Variants in ENO4 observed in about 807,000 individuals in gnomAD.
ENO4 encodes the protein 2-phospho-D-glycerate hydro-lyase.
Under a neutral mutation model 63.2 loss-of-function variants are expected in ENO4, and 53 were observed. The ratio of observed to expected loss-of-function variants is 0.84; its 90% CI spans 0.67 to 1.05. The LOEUF (loss-of-function observed/expected upper bound fraction) is 1.05, where lower values mean the gene tolerates loss of function less well. ENO4 is among the 50% of genes least tolerant of loss of function. ENO4 has a pLI of 0.00. For missense variants in ENO4, 719 were observed against 772.0 expected, an observed-to-expected ratio of 0.93 and a Z score of 0.81; for synonymous variants, 266 against 283.8, an observed-to-expected ratio of 0.94 and a Z score of 0.63.
intron 3 of ENO4, among the ~76,000 whole-genome samples, chr10:116,858,272 T>G (rs1846323117): frequency 6.6e-6 from 1 of 152,218 alleles, no homozygotes; most frequent in South Asian, 2.1e-4. Flanking sequence ...ATATGGGATG[T>G]AAAGTTTCTT....
chr10:116,862,231 A>C (rs1449592419), intron 6 of ENO4, among the ~76,000 whole-genome samples: 1 of 152,176 alleles, frequency 6.6e-6, no homozygotes, highest in Non-Finnish European at 1.5e-5. Flanking sequence ...TGGGAGGCCA[A>C]GATGGGAGGA....
chr10:116,899,497 G>C (rs548396545), intron 10 of ENO4, among the ~76,000 whole-genome samples: 2 of 144,326 alleles, frequency 1.4e-5, no homozygotes, highest in South Asian at 2.3e-4. Context: ...AGTTAGAGTG[G>C]CTGGGGCTGG....
chr10:116,884,965 C>G (rs1267497396), downstream of ENO4: 1 of 152,218 alleles, frequency 6.6e-6, no homozygotes, highest in Non-Finnish European at 1.5e-5. Flanking sequence ...TTTAATTCTC[C>G]ATGAGTAAAG....
chr10:116,893,343 T>C (rs1847398879), intron 10 of ENO4, among the ~76,000 whole-genome samples: 1 of 152,122 alleles, frequency 6.6e-6, no homozygotes, highest in African/African-American at 2.4e-5. Context: ...TGGAGAACCT[T>C]TGTAGCAGCG....
Position 116,860,822 on chromosome 10 carries a change from T to C in ENO4, c.663T>C (p.Pro221=), listed in dbSNP as rs1428066767. ...GGAAGGATACTATTACAGAGAAACCTATTGCGCCTGCAGAGCCTGTTGAGC... is the reference window on the plus strand; with the variant it reads ...GGAAGGATACTATTACAGAGAAACCCATTGCGCCTGCAGAGCCTGTTGAGC... The part of the protein sequence containing the change: ...PGRKDTITEK[P]IAPAEPVEPV... Residue 221 remains proline (P), a synonymous_variant, in exon 5 of 14, where the codon CCT becomes CCC. Transcript: ENST00000341276. 2 of 1,537,612 alleles carry C rather than the reference T, an allele frequency of 1.3e-6. No homozygotes were observed. Among genetic ancestry groups the C allele is most frequent in the Admixed American group, 2.0e-5 (1 of 50,272 alleles).
chr10:116,861,363 A>C (rs998620608), intron 6 of ENO4, among the ~76,000 whole-genome samples, 173 bp downstream of exon 6: 15 of 152,154 alleles, frequency 9.9e-5, no homozygotes, highest in Non-Finnish European at 1.9e-4. Context: ...CAAAGGGAGC[A>C]CATGCAGAGC....
At chr10:116,901,324 T>A in intron 10 of ENO4, 2 of 985,166 alleles carry the variant, frequency 2.0e-6, no homozygotes, top group Non-Finnish European at 2.4e-6. Flanking sequence ...TAGAGCAATA[T>A]TAGGCACATC....
chr10:116,886,587 C>CA (rs748204859), downstream of ENO4: 24 of 1,607,670 alleles, frequency 1.5e-5, no homozygotes, highest in South Asian at 1.8e-4. Context: ...AAGAGTTAGA[C>CA]AAAAAAAGTA....
intron 9 of ENO4, among the ~76,000 whole-genome samples, chr10:116,871,682 TGTA>T (rs1311102517): frequency 1.3e-5 from 2 of 152,184 alleles, no homozygotes; most frequent in African/African-American, 4.8e-5. Context: ...CTTCCAGACA[TGTA>T]GTTCTTAGAA....
Position 116,891,209 on chromosome 10 carries a change from T to C in ENO4, c.1194+11223T>C, listed in dbSNP as rs182650326. On this transcript the variant is annotated intron_variant, in intron 10 of 10. Coordinates refer to the ENO4 transcript ENST00000369207. ...AACTTTTAAGCGGTGAGAGTTATTT[T>C]ATAAAATGCTACCTCTGAAAAGCTG... Among the ~76,000 whole-genome samples, 363 of 152,368 alleles carry C rather than the reference T, an allele frequency of 2.4e-3. 3 individuals carry two copies. Among genetic ancestry groups the C allele is most frequent in the African/African-American group, 8.2e-3 (341 of 41,594 alleles).
downstream of ENO4, chr10:116,885,321 A>G (rs1044505875): frequency 6.6e-6 from 1 of 152,568 alleles, no homozygotes; most frequent in Non-Finnish European, 1.5e-5. Flanking sequence ...ATAAACACCA[A>G]TTTTGAAACA....
At chr10:116,868,245 G>A (rs551691523) in intron 7 of ENO4, among the ~76,000 whole-genome samples, 87 of 152,190 alleles carry the variant, frequency 5.7e-4, no homozygotes, top group Non-Finnish European at 1.0e-3. Context: ...AGCAAATCCC[G>A]CAGTGGGGTT....
At chr10:116,892,797 T>C (rs529454151) in intron 10 of ENO4, among the ~76,000 whole-genome samples, 6 of 152,332 alleles carry the variant, frequency 3.9e-5, no homozygotes, top group African/African-American at 1.4e-4. Context: ...ATTTGAGTTT[T>C]AGCTTCTTCT....
Position 116,881,947 on chromosome 10 carries a change from C to A in ENO4, c.*278C>A. On this transcript the variant is annotated 3_prime_UTR_variant, in exon 14 of 14. Transcript: ENST00000341276. Reference sequence around the variant, plus strand: ...AGGGACACGCTCCAGTAAAAGAGGCCAATATTTTTGTTGCCAACTCCACAC... The same window carrying A: ...AGGGACACGCTCCAGTAAAAGAGGCAAATATTTTTGTTGCCAACTCCACAC... 1 of 288,182 alleles carries A rather than the reference C, an allele frequency of 3.5e-6. No homozygotes were observed. Among genetic ancestry groups the A allele is most frequent in the Non-Finnish European group, 6.4e-6 (1 of 157,266 alleles). The allele number at this position is 288,182 out of a possible 1,614,324, so 17.9% of individuals were successfully genotyped here. A position where few individuals can be genotyped will look rare whatever the true frequency, so the allele number is the denominator to read the frequency against.
chr10:116,870,020 G>C (rs760773578), intron 8 of ENO4, among the ~76,000 whole-genome samples: 6 of 152,162 alleles, frequency 3.9e-5, no homozygotes, highest in Non-Finnish European at 7.3e-5. Context: ...TAGTTTAGAA[G>C]GCTCTGTAAC....
intron 1 of ENO4, 136 bp downstream of exon 1, chr10:116,849,867 G>T (rs923526411): frequency 9.7e-5 from 100 of 1,031,154 alleles, no homozygotes; most frequent in Non-Finnish European, 1.4e-4. Flanking sequence ...TGCGTGTGCG[G>T]AGGAGACTTC....
intron 10 of ENO4, chr10:116,902,102 T>C (rs1390270751): frequency 7.1e-6 from 5 of 702,066 alleles, no homozygotes; most frequent in South Asian, 2.1e-5. Flanking sequence ...GAAAATGTTG[T>C]TGGAAATCTG....
In ENO4 at chr10:116,856,564, GA is replaced by G; in HGVS notation, c.368del (p.Glu123GlyfsTer9). On this transcript the variant is annotated frameshift_variant, in exon 3 of 14. Transcript: ENST00000341276. LOFTEE classifies it high-confidence loss of function. ...TGCTCTGCCCGAGCTGGCCAAGGCGGAGGAGGCAGAGAGGGCCAGCGCGGTG... is the reference window on the plus strand; with the variant it reads ...TGCTCTGCCCGAGCTGGCCAAGGCGGGGAGGCAGAGAGGGCCAGCGCGGTG... Reference protein sequence around the residue: ...ENALPELAKAEEAERASAVST... With the variant: ...ENALPELAKAXEAERASAVST... The G allele has an allele frequency of 6.5e-7, 1 of 1,536,180 alleles. No individual in the cohort carries two copies. The highest frequency in any genetic ancestry group is 8.7e-7 in the Non-Finnish European group (1 of 1,146,918).
At chr10:116,858,905 TG>T in intron 3 of ENO4, 84 bp from the exon 4 acceptor site, 3 of 736,758 alleles carry the variant, frequency 4.1e-6, no homozygotes, top group African/African-American at 1.8e-5. Context: ...TTGAAATATA[TG>T]GGGTCATCTC....
Sources: allele counts gnomAD v4.1 joint callset (sites outside exome capture counted in the v4.1 genomes callset), GRCh38; gene constraint gnomAD v4.1.1; transcripts MANE v1.5; gene names NCBI Gene and HGNC (gene_info 2026-07-23, HGNC 2026-07-21).